Variants in ELAC1 observed in about 807,000 individuals in gnomAD.
ELAC1 encodes elaC ribonuclease Z 1.
ELAC1 carries 19 observed loss-of-function variants against 25.8 expected under a neutral mutation model. That is an observed-to-expected ratio of 0.74 (90% confidence interval 0.51 to 1.08). The LOEUF (loss-of-function observed/expected upper bound fraction) is 1.08, where lower values mean the gene tolerates loss of function less well. Ranked by LOEUF, ELAC1 falls within the 50% of genes least tolerant of loss-of-function variation. ELAC1 has a pLI of 0.00. For missense variants in ELAC1, 403 were observed against 434.6 expected, an observed-to-expected ratio of 0.93 and a Z score of 0.65; for synonymous variants, 148 against 160.9, an observed-to-expected ratio of 0.92 and a Z score of 0.61.
rs1453928228 is a variant in ELAC1, at chr18:50,987,140, T to C, written c.*55T>C. The C allele has an allele frequency of 8.0e-7, 1 of 1,252,128 alleles. No individual in the cohort carries two copies. Among genetic ancestry groups the C allele is most frequent in the East Asian group, 2.4e-5 (1 of 41,496 alleles). The allele number at this position is 1,252,128 out of a possible 1,614,324, so 77.6% of individuals were successfully genotyped here. A position where few individuals can be genotyped will look rare whatever the true frequency, so the allele number is the denominator to read the frequency against. On this transcript the variant is annotated 3_prime_UTR_variant, in exon 4 of 4. Coordinates refer to ENST00000269466, the MANE Select transcript of ELAC1 (RefSeq NM_018696.3). ...GTCTGTGAATATGTTACTGAACCTA[T>C]AGTCCAGTTTTTTTATTTCTTGTTT...
chr18:50,984,752 C>T (rs559243239), intron 3 of ELAC1, 189 bp downstream of exon 3: 15 of 594,800 alleles, frequency 2.5e-5, no homozygotes, highest in Middle Eastern at 3.3e-4. Flanking sequence ...GGCAACATGG[C>T]GAAACCCCAT....
chr18:50,978,719 T>A (rs1024596499), intron 2 of ELAC1, among the ~76,000 whole-genome samples: 5 of 152,158 alleles, frequency 3.3e-5, no homozygotes, highest in Non-Finnish European at 5.9e-5. Context: ...AGAGATTCAA[T>A]TTAAGAGATA....
rs1826458354 is a variant in ELAC1 at position 50,986,930 on chromosome 18, C to T, written c.937C>T (p.His313Tyr). ...CCGTGCAAAGAGGCTGGTTCTGACT[C>T]ACTTCAGTCAGAGGTACAAACCAGT... is the stretch of plus-strand genomic sequence containing the variant. ...LCRAKRLVLT[H>Y]FSQRYKPVAL... Residue 313 changes from histidine (H) to tyrosine (Y), a missense_variant, in exon 4 of 4, where the codon CAC (histidine) becomes TAC (tyrosine). Transcript: ENST00000269466. The T allele has an allele frequency of 6.2e-7, 1 of 1,613,836 alleles. No individual in the cohort carries two copies. Among genetic ancestry groups the T allele is most frequent in the Admixed American group, 1.7e-5 (1 of 59,968 alleles).
At chr18:50,971,347 C>G (rs1442153603) in intron 1 of ELAC1, among the ~76,000 whole-genome samples, 2 of 152,116 alleles carry the variant, frequency 1.3e-5, no homozygotes, top group Non-Finnish European at 2.9e-5. Flanking sequence ...TAGCATTGCT[C>G]TATTGATATT....
intron 1 of ELAC1, among the ~76,000 whole-genome samples, chr18:50,971,910 G>GTATATATATATATA (rs1423715307): frequency 4.7e-5 from 3 of 64,188 alleles, no homozygotes; most frequent in East Asian, 5.8e-4. Context: ...GTGTGTGTGT[G>GTATATATATATATA]TGTATATATA....
chr18:50,980,811 T>C (rs1312867081), intron 2 of ELAC1, among the ~76,000 whole-genome samples: 2 of 147,112 alleles, frequency 1.4e-5, no homozygotes, highest in Non-Finnish European at 3.0e-5. Context: ...GAGAGGAAGG[T>C]GAGATAGTAA....
At chr18:50,968,281 G>C (rs1907554808) in intron 1 of ELAC1, among the ~76,000 whole-genome samples, 167 bp downstream of exon 1, 1 of 151,912 alleles carries the variant, frequency 6.6e-6, no homozygotes, top group Non-Finnish European at 1.5e-5. Context: ...CCGGAGCCTC[G>C]GCCGCCCGGC....
chr18:50,976,519 C>T (rs868309329), intron 2 of ELAC1, among the ~76,000 whole-genome samples: 1 of 152,124 alleles, frequency 6.6e-6, no homozygotes, highest in African/African-American at 2.4e-5. Context: ...TATTCACTGT[C>T]GTGAGAACAG....
At chr18:50,979,007 G>C (rs1447548462) in intron 2 of ELAC1, among the ~76,000 whole-genome samples, 1 of 152,196 alleles carries the variant, frequency 6.6e-6, no homozygotes, top group Non-Finnish European at 1.5e-5. Flanking sequence ...CTTCATGAGA[G>C]CCCTCTGGAC....
intron 3 of ELAC1, chr18:50,984,949 A>T: frequency 3.9e-6 from 1 of 254,714 alleles, no homozygotes; most frequent in Non-Finnish European, 7.4e-6. Flanking sequence ...AAAAAGTGTC[A>T]TAGTAAGCTT....
At chr18:50,978,605 A>C (rs1599147090) in intron 2 of ELAC1, among the ~76,000 whole-genome samples, 1 of 152,180 alleles carries the variant, frequency 6.6e-6, no homozygotes, top group East Asian at 1.9e-4. Context: ...CTACAGTTCA[A>C]GATGAGATTT....
At chr18:50,983,152 G>T in intron 2 of ELAC1, among the ~76,000 whole-genome samples, 1 of 119,350 alleles carries the variant, frequency 8.4e-6, no homozygotes. Context: ...TATTTTACTT[G>T]GTGTTTTTTT....
Position 50,987,383 on chromosome 18 carries a change from C to T in ELAC1, c.*298C>T. On this transcript the variant is annotated 3_prime_UTR_variant, in exon 4 of 4. Transcript: ENST00000269466. ...TACCACAGATAGCCAATATTCCATGCAGTCCTGGGCTTAGCTTCTGCCCAG... is the reference window on the plus strand; with the variant it reads ...TACCACAGATAGCCAATATTCCATGTAGTCCTGGGCTTAGCTTCTGCCCAG... 4.3e-6 allele frequency: 1 copy of T among 234,194 alleles called. No individual in the cohort carries two copies. The highest frequency in any genetic ancestry group is 1.7e-4 in the South Asian group (1 of 5,952). The allele number at this position is 234,194 out of a possible 1,614,324, so 14.5% of individuals were successfully genotyped here.
chr18:50,974,425 C>A lies in ELAC1; in HGVS notation c.21C>A (p.Phe7Leu), dbSNP rs1237332679. MSMDVT[F>L]LGTGAAYPSP... Reference sequence around the variant, plus strand: ...GGAAGATGTCTATGGATGTGACATTCCTGGGGACGGGTGCAGCATACCCAT... The same window carrying A: ...GGAAGATGTCTATGGATGTGACATTACTGGGGACGGGTGCAGCATACCCAT... Residue 7 changes from phenylalanine (F) to leucine (L), a missense_variant, in exon 2 of 4, where the codon TTC becomes TTA. Coordinates refer to ENST00000269466, the MANE Select transcript of ELAC1 (RefSeq NM_018696.3). 2 of 1,550,238 alleles carry A rather than the reference C, an allele frequency of 1.3e-6. No individual in the cohort carries two copies. The highest frequency in any genetic ancestry group is 4.0e-5 in the Admixed American group (2 of 49,770).
intron 2 of ELAC1, among the ~76,000 whole-genome samples, chr18:50,978,652 G>A (rs1047601455): frequency 6.6e-6 from 1 of 151,934 alleles, no homozygotes; most frequent in Non-Finnish European, 1.5e-5. Context: ...CTGTGTATAT[G>A]TGTGTGTGTG....
chr18:50,979,630 G>C (rs1907887674), intron 2 of ELAC1, among the ~76,000 whole-genome samples: 1 of 152,096 alleles, frequency 6.6e-6, no homozygotes, highest in Admixed American at 6.5e-5. Context: ...CAAGGAGAGG[G>C]GATTGTAGGA....
Position 50,987,168 on chromosome 18 carries a change from G to T in ELAC1, c.*83G>T. ...TCCAGTTTTTTTATTTCTTGTTTTA[G>T]TCTGAAATTATTTGGGCCCTAATAA... On this transcript the variant is annotated 3_prime_UTR_variant, in exon 4 of 4. Transcript: ENST00000269466. 2 of 1,059,060 alleles carry T rather than the reference G, an allele frequency of 1.9e-6. No homozygotes were observed. The highest frequency in any genetic ancestry group is 2.6e-5 in the East Asian group (1 of 38,020). The allele number at this position is 1,059,060 out of a possible 1,614,324, so 65.6% of individuals were successfully genotyped here. A position where few individuals can be genotyped will look rare whatever the true frequency, so the allele number is the denominator to read the frequency against.
chr18:50,968,469 A>C (rs945124646), intron 1 of ELAC1: 2 of 152,322 alleles, frequency 1.3e-5, no homozygotes, highest in African/African-American at 4.8e-5. Flanking sequence ...CCCTAGGCAC[A>C]CCACAGGGTG....
At chr18:50,970,430 C>G (rs1225266218) in intron 1 of ELAC1, among the ~76,000 whole-genome samples, 1 of 152,090 alleles carries the variant, frequency 6.6e-6, no homozygotes, top group Non-Finnish European at 1.5e-5. Flanking sequence ...TTATTCTTAC[C>G]TATCTTGCAA....
Sources: allele counts gnomAD v4.1 joint callset (sites outside exome capture counted in the v4.1 genomes callset), GRCh38; gene constraint gnomAD v4.1.1; transcripts MANE v1.5; gene names NCBI Gene and HGNC (gene_info 2026-07-23, HGNC 2026-07-21).